The following DHRS13 variants were observed in gnomAD, a reference collection of about 807,000 sequenced individuals.
DHRS13 encodes dehydrogenase/reductase SDR family member 13.
A neutral mutation model predicts 17.9 loss-of-function variants in DHRS13; 22 were observed. That is an observed-to-expected ratio of 1.23 (90% CI 0.88 to 1.75). The LOEUF (loss-of-function observed/expected upper bound fraction) is 1.75, where lower values mean the gene tolerates loss of function less well. DHRS13 is among the 40% of genes most tolerant of loss of function. DHRS13 has a pLI of 0.00. For synonymous variants in DHRS13, 206 were observed against 220.4 expected, an observed-to-expected ratio of 0.93 and a Z score of 0.58; for missense variants, 483 against 519.9, an observed-to-expected ratio of 0.93 and a Z score of 0.69.
Position 28,902,850 on chromosome 17 carries a change from C to A in DHRS13, c.95G>T (p.Gly32Val). ...CACGGCCGTGCGGCCCCGCAGGTTG[C>A]CCATGCCGCCGCACGGCGGGGCCTT... ...LVKAPPCGGM[G>V]NLRGRTAVVT... The change falls in exon 1 of 5, where the codon GGC becomes GTC. Residue 32 changes from glycine to valine, a missense_variant. By Grantham distance (109) the Gly-to-Val change is moderately radical. Transcript: ENST00000378895. The surrounding 1 kb of genome is among the most constrained non-coding windows in gnomAD (Gnocchi z 4.0). 1 of 1,550,112 alleles carries A rather than the reference C, an allele frequency of 6.5e-7. No individual in the cohort carries two copies.
intron 4 of DHRS13, among the ~76,000 whole-genome samples, chr17:28,900,058 C>T (rs541348882): frequency 2.6e-5 from 4 of 152,056 alleles, no homozygotes; most frequent in South Asian, 4.1e-4. Context: ...GGATTACAGG[C>T]GCGCGCCACC....
At position 28,898,888 on chromosome 17, in the gene DHRS13, A is replaced by T; in HGVS notation, c.687T>A (p.Pro229=). The change falls in exon 5 of 5, where the codon CCT becomes CCA. Residue 229 remains proline, a synonymous_variant. Transcript: ENST00000378895. ...GVTCYAAHPG[P]VNSELFLRHV... ...GGCGCAGGAACAGCTCCGAGTTCAC[A>T]GGCCCTGTAGGCAGGAAGAAAGAAA... 1.3e-6 allele frequency: 2 copies of T among 1,571,254 alleles called. No homozygotes were observed. Among genetic ancestry groups the T allele is most frequent in the Non-Finnish European group, 1.7e-6 (2 of 1,159,476 alleles).
chr17:28,901,530 G>A lies in DHRS13; in HGVS notation c.333C>T (p.Ser111=). The change falls in exon 3 of 5, where the codon AGC becomes AGT. Residue 111 remains serine (S), a synonymous_variant. Transcript: ENST00000378895. This position sits in a 1 kb window ranked among gnomAD's most constrained non-coding sequence, Gnocchi z 4.3. ...TGAGGATGTCCAACCGTGGCTCAGA[G>A]CTCAGAAAGGCAGTGGCAAAGGCCC... ...SVRAFATAFL[S]SEPRLDILIH... is the part of the protein sequence containing the mutation. 1.2e-6 allele frequency: 2 copies of A among 1,614,212 alleles called. No individual in the cohort carries two copies. The highest frequency in any genetic ancestry group is 1.7e-6 in the Non-Finnish European group (2 of 1,180,034).
Position 28,898,126 on chromosome 17 carries a change from C to T in DHRS13, c.*315G>A. 2.7e-6 allele frequency: 1 copy of T among 373,314 alleles called. No homozygotes were observed. The highest frequency in any genetic ancestry group is 3.1e-5 in the South Asian group (1 of 31,810). The allele number at this position is 373,314 out of a possible 1,614,324, so 23.1% of individuals were successfully genotyped here. ...TGTTGGCAGTGCATCACATTGCAAACTCCCTGCCTCTGCTCCAGAGCTGAT... is the reference window on the plus strand; with the variant it reads ...TGTTGGCAGTGCATCACATTGCAAATTCCCTGCCTCTGCTCCAGAGCTGAT... On this transcript the variant is annotated 3_prime_UTR_variant, in exon 5 of 5. Transcript: ENST00000378895.
chr17:28,898,539 C>G lies in DHRS13; in HGVS notation c.1036G>C (p.Val346Leu). 6.2e-7 allele frequency: 1 copy of G among 1,611,694 alleles called. No homozygotes were observed. The highest frequency in any genetic ancestry group is 8.5e-7 in the Non-Finnish European group (1 of 1,179,024). The change falls in exon 5 of 5, where the codon GTT (valine) becomes CTT (leucine). Residue 346 changes from valine to leucine, a missense_variant. Coordinates refer to ENST00000378895, the MANE Select transcript of DHRS13 (RefSeq NM_144683.4). ...LSTPHPEEPT[V>L]SQPYPSPQSS... The stretch of plus-strand genomic sequence containing the variant: ...TGAGGGCTGGGGTAAGGTTGAGAAA[C>G]TGTGGGCTCCTCAGGGTGGGGGGTG...
chr17:28,900,931 G>A (rs1166671516), intron 4 of DHRS13, 59 bp downstream of exon 4: 23 of 1,517,402 alleles, frequency 1.5e-5, no homozygotes, highest in Non-Finnish European at 2.0e-5. Context: ...TGGTGTGGGG[G>A]GCACAGGATG....
rs567977314 is a variant in DHRS13, at chr17:28,901,912, T to C, written c.247-296A>G. The C allele has an allele frequency of 6.8e-5, 25 of 367,000 alleles. No homozygotes were observed. Among genetic ancestry groups the C allele is most frequent in the African/African-American group, 4.8e-4 (23 of 47,912 alleles). The allele number at this position is 367,000 out of a possible 1,614,324, so 22.7% of individuals were successfully genotyped here. The stretch of plus-strand genomic sequence containing the variant: ...TGTGAGGATGAAAGGAGTTAACGTG[T>C]AAAATACACTCTAGCAGCACTGGGT... On this transcript the variant is annotated intron_variant, in intron 2 of 4. Transcript: ENST00000378895. This position sits in a 1 kb window ranked among gnomAD's most constrained non-coding sequence, Gnocchi z 4.3.
At position 28,900,995 on chromosome 17, in the gene DHRS13, T is replaced by G; in HGVS notation, c.677A>C (p.His226Pro). The G allele has an allele frequency of 6.3e-7, 1 of 1,589,094 alleles. No individual in the cohort carries two copies. The highest frequency in any genetic ancestry group is 1.3e-5 in the African/African-American group (1 of 74,596). The change falls in exon 4 of 5, where the codon CAC becomes CCC. Residue 226 changes from histidine to proline, a missense_variant. Coordinates refer to ENST00000378895, the MANE Select transcript of DHRS13 (RefSeq NM_144683.4). ...GCCAAAGAACCAGACCTCACCTGGG[T>G]GGGCTGCATAGCAGGTGACGCCAGT... Reference protein sequence around the residue: ...EATGVTCYAAHPGPVNSELFL... With the variant: ...EATGVTCYAAPPGPVNSELFL...
Position 28,898,325 on chromosome 17 carries a change from G to A in DHRS13, c.*116C>T. On this transcript the variant is annotated 3_prime_UTR_variant, in exon 5 of 5. Coordinates refer to ENST00000378895, the MANE Select transcript of DHRS13 (RefSeq NM_144683.4). The stretch of plus-strand genomic sequence containing the variant: ...GTCCAGGGCACAGCTTGGGGCCCCA[G>A]AAAGTAACCACGGAGGTCAAGATCA... 15 of 1,270,800 alleles carry A rather than the reference G, an allele frequency of 1.2e-5. No individual in the cohort carries two copies. Among genetic ancestry groups the A allele is most frequent in the Non-Finnish European group, 1.6e-5 (15 of 925,728 alleles). The allele number at this position is 1,270,800 out of a possible 1,614,324, so 78.7% of individuals were successfully genotyped here. A position where few individuals can be genotyped will look rare whatever the true frequency, so the allele number is the denominator to read the frequency against.
At position 28,899,123 on chromosome 17, in the gene DHRS13, TTA is replaced by T; in HGVS notation, c.683-233_683-232del. On this transcript the variant is annotated intron_variant, in intron 4 of 4. Coordinates refer to ENST00000378895, the MANE Select transcript of DHRS13 (RefSeq NM_144683.4). The surrounding 1 kb of genome is among the most constrained non-coding windows in gnomAD (Gnocchi z 4.7). ...GGTTTCAAGGGAACCAGGATAGTAT[TTA>T]CCAGGCATTCGGGGCTTCTGCGAGG... The T allele has an allele frequency of 2.1e-6, 1 of 467,342 alleles. No individual in the cohort carries two copies. The highest frequency in any genetic ancestry group is 3.7e-6 in the Non-Finnish European group (1 of 267,290). 28.9% of individuals were successfully genotyped at this position (467,342 alleles called of 1,614,324 possible).
chr17:28,901,822 G>A lies in DHRS13; in HGVS notation c.247-206C>T, dbSNP rs2039808072. On this transcript the variant is annotated intron_variant, in intron 2 of 4. Coordinates refer to ENST00000378895, the MANE Select transcript of DHRS13 (RefSeq NM_144683.4). The surrounding 1 kb of genome is among the most constrained non-coding windows in gnomAD (Gnocchi z 4.3). ...TTGGGCAAGATACTTAATCTCTCTG[G>A]GTCTCAGTTCTCTCACTGCGTAAAG... 1 of 724,422 alleles carries A rather than the reference G, an allele frequency of 1.4e-6. No homozygotes were observed. Among genetic ancestry groups the A allele is most frequent in the South Asian group, 2.0e-5 (1 of 49,472 alleles). 44.9% of individuals were successfully genotyped at this position (724,422 alleles called of 1,614,324 possible). A position where few individuals can be genotyped will look rare whatever the true frequency, so the allele number is the denominator to read the frequency against.
rs953461222 is a variant in DHRS13, at chr17:28,901,379, G to A, written c.371-78C>T. The A allele has an allele frequency of 1.3e-6, 2 of 1,586,068 alleles. No homozygotes were observed. Among genetic ancestry groups the A allele is most frequent in the East Asian group, 2.2e-5 (1 of 44,682 alleles). Reference sequence around the variant, plus strand: ...TGGCATCCCTATCTATGAGATGGGAGAAGGGGGCATCCTTCCCATGTGTCC... The same window carrying A: ...TGGCATCCCTATCTATGAGATGGGAAAAGGGGGCATCCTTCCCATGTGTCC... On this transcript the variant is annotated intron_variant, in intron 3 of 4. Transcript: ENST00000378895. This position sits in a 1 kb window ranked among gnomAD's most constrained non-coding sequence, Gnocchi z 4.3.
rs377622927 is a variant in DHRS13, at chr17:28,898,845, G to A, written c.730C>T (p.Arg244Cys). 1.7e-5 allele frequency: 28 copies of A among 1,604,590 alleles called. No individual in the cohort carries two copies. Among genetic ancestry groups the A allele is most frequent in the Admixed American group, 1.4e-4 (8 of 58,564 alleles). ...LFLRHVPGWLRPLLRPLAWLV... is the reference protein window; with the variant it reads ...LFLRHVPGWLCPLLRPLAWLV... ...CAAGCCAATGGGCGCAAAAGTGGGC[G>A]CAGCCATCCAGGAACATGGCGCAGG... Residue 244 changes from arginine (R) to cysteine (C), a missense_variant, in exon 5 of 5, where the codon CGC (arginine) becomes TGC (cysteine). Transcript: ENST00000378895.
Position 28,899,164 on chromosome 17 carries a change from T to G in DHRS13, c.683-272A>C. 2.8e-6 allele frequency: 1 copy of G among 361,178 alleles called. No individual in the cohort carries two copies. The allele number at this position is 361,178 out of a possible 1,614,324, so 22.4% of individuals were successfully genotyped here. On this transcript the variant is annotated intron_variant, in intron 4 of 4. Coordinates refer to ENST00000378895, the MANE Select transcript of DHRS13 (RefSeq NM_144683.4). The surrounding 1 kb of genome is among the most constrained non-coding windows in gnomAD (Gnocchi z 4.7). ...GCTTCTGCGAGGTGACTTCACTCAT[T>G]TCCTGCATGAAGCCTCTTCGCTTCC...
In DHRS13 at chr17:28,902,904, G is replaced by T; in HGVS notation, c.41C>A (p.Ala14Asp). The change falls in exon 1 of 5, where the codon GCT (alanine) becomes GAT (aspartate). Residue 14 changes from alanine (A) to aspartate (D), a missense_variant. By Grantham distance (126) the Ala-to-Asp change is moderately radical. Transcript: ENST00000378895. The surrounding 1 kb of genome is among the most constrained non-coding windows in gnomAD (Gnocchi z 4.0). ...CAGGTTGTAGTAGACAAGCACGTAAGCGCCCAGCAGCAACCCCGCGCCCAG... is the reference window on the plus strand; with the variant it reads ...CAGGTTGTAGTAGACAAGCACGTAATCGCCCAGCAGCAACCCCGCGCCCAG... ...LLLGAGLLLG[A>D]YVLVYYNLVK... is the part of the protein sequence containing the mutation. The T allele has an allele frequency of 6.4e-7, 1 of 1,553,060 alleles. No homozygotes were observed.
At position 28,899,406 on chromosome 17, in the gene DHRS13, G is replaced by A. The variant is rs932819695; in HGVS notation, c.683-514C>T. ...TTAATAAAGGCTAATTGTGATCATC[G>A]CTATTATAATTACTAATGAGCCTTA... On this transcript the variant is annotated intron_variant, in intron 4 of 4. Coordinates refer to ENST00000378895, the MANE Select transcript of DHRS13 (RefSeq NM_144683.4). The surrounding 1 kb of genome is among the most constrained non-coding windows in gnomAD (Gnocchi z 4.7). 1.9e-5 allele frequency: 3 copies of A among 153,992 alleles called. No homozygotes were observed. The highest frequency in any genetic ancestry group is 4.3e-5 in the Non-Finnish European group (3 of 69,294). The allele number at this position is 153,992 out of a possible 1,614,324, so 9.5% of individuals were successfully genotyped here.
In DHRS13 at chr17:28,902,647, G is replaced by C. The variant is rs910734296; in HGVS notation, c.182C>G (p.Ala61Gly). 1 of 1,440,406 alleles carries C rather than the reference G, an allele frequency of 6.9e-7. No homozygotes were observed. Among genetic ancestry groups the C allele is most frequent in the Non-Finnish European group, 9.1e-7 (1 of 1,104,230 alleles). The allele number at this position is 1,440,406 out of a possible 1,614,324, so 89.2% of individuals were successfully genotyped here. ...GCTGCGGCAGGCCAGCACCACGCGC[G>C]CTCCCCGGCGCGCCAGCTCCAGCGC... ...MTALELARRG[A>G]RVVLACRSQE... is the part of the protein sequence containing the mutation. Residue 61 changes from alanine to glycine, a missense_variant, in exon 2 of 5, where the codon GCG (alanine) becomes GGG (glycine). Coordinates refer to ENST00000378895, the MANE Select transcript of DHRS13 (RefSeq NM_144683.4). The surrounding 1 kb of genome is among the most constrained non-coding windows in gnomAD (Gnocchi z 4.0).
rs2039812978 is a variant in DHRS13, at chr17:28,902,363, TCAGAA to T, written c.246+215_246+219del. 6.6e-6 allele frequency among the ~76,000 whole-genome samples: 1 copy of T among 152,220 alleles called. No individual in the cohort carries two copies. The highest frequency in any genetic ancestry group is 1.5e-5 in the Non-Finnish European group (1 of 68,038). ...CAACTTCTACTGATGCTTAAACGTC[TCAGAA>T]CTGCAATTACGGCCTTCAGGAAGCC... On this transcript the variant is annotated intron_variant, in intron 2 of 4. Transcript: ENST00000378895. The surrounding 1 kb of genome is among the most constrained non-coding windows in gnomAD (Gnocchi z 4.0).
At chr17:28,900,051 T>C (rs954296631) in intron 4 of DHRS13, among the ~76,000 whole-genome samples, 22 of 152,054 alleles carry the variant, frequency 1.4e-4, no homozygotes, top group African/African-American at 3.9e-4. Flanking sequence ...GTAGCTGGGA[T>C]TACAGGCGCG....
Sources: gnomAD v4.1 joint callset for allele counts (sites outside exome capture counted in the v4.1 genomes callset) on GRCh38, gnomAD v4.1.1 for gene constraint, Gnocchi (gnomAD v3.1) non-coding constraint, MANE v1.5 for transcripts, NCBI Gene and HGNC (gene_info 2026-07-23, HGNC 2026-07-21) for gene names.